Variants in CYP1B1 observed in about 807,000 individuals in gnomAD.
The protein encoded by CYP1B1 is cytochrome P450 1B1.
In CYP1B1, 22 loss-of-function variants were observed where a neutral mutation model predicts 29.9. The ratio of observed to expected loss-of-function variants is 0.74; its 90% CI spans 0.53 to 1.05. CYP1B1 has a LOEUF of 1.05. CYP1B1 is among the 50% of genes least tolerant of loss of function. The pLI, the probability that CYP1B1 is intolerant of heterozygous loss-of-function variation, is 0.00. For missense variants in CYP1B1, 883 were observed against 746.9 expected, an observed-to-expected ratio of 1.18 and a Z score of -2.12; for synonymous variants, 375 against 320.0, an observed-to-expected ratio of 1.17 and a Z score of -1.83.
chr2:38,074,067 AGGGGTCTTTGCAAAT>A (rs1682478869), intron 2 of CYP1B1: 1 of 548,188 alleles, frequency 1.8e-6, no homozygotes, highest in South Asian at 2.4e-5. Context: ...CGGGGGGTGG[AGGGGTCTTTGCAAAT>A]GTGTTCTCAC....
Position 38,070,520 on chromosome 2 carries a change from C to G in CYP1B1, c.*202G>C, listed in dbSNP as rs1682405826. On this transcript the variant is annotated 3_prime_UTR_variant, in exon 3 of 3. Coordinates refer to ENST00000610745, the MANE Select transcript of CYP1B1 (RefSeq NM_000104.4). Reference sequence around the variant, plus strand: ...CTTTAAGTCTTTGACTCAAAAAAATCTCCCAGAAGCTCCTGCATAGCCCAC... The same window carrying G: ...CTTTAAGTCTTTGACTCAAAAAAATGTCCCAGAAGCTCCTGCATAGCCCAC... 1 of 587,638 alleles carries G rather than the reference C, an allele frequency of 1.7e-6. No homozygotes were observed. Among genetic ancestry groups the G allele is most frequent in the African/African-American group, 1.9e-5 (1 of 53,564 alleles). 36.4% of individuals were successfully genotyped at this position (587,638 alleles called of 1,614,324 possible). A position where few individuals can be genotyped will look rare whatever the true frequency, so the allele number is the denominator to read the frequency against.
In CYP1B1 at chr2:38,068,827, G is replaced by A. The variant is rs886055990; in HGVS notation, c.*1895C>T. ...TAAATGTCCATGCTTTGAATTTTGT[G>A]CTCCAAATTAATTAATTCAGAATGA... On this transcript the variant is annotated 3_prime_UTR_variant, in exon 3 of 3. Transcript: ENST00000610745. 3 of 226,264 alleles carry A rather than the reference G, an allele frequency of 1.3e-5. No individual in the cohort carries two copies. The highest frequency in any genetic ancestry group is 2.6e-5 in the Non-Finnish European group (3 of 113,690). The allele number at this position is 226,264 out of a possible 1,614,324, so 14.0% of individuals were successfully genotyped here.
chr2:38,074,189 G>T, intron 2 of CYP1B1, 157 bp downstream of exon 2: 1 of 814,420 alleles, frequency 1.2e-6, no homozygotes, highest in Non-Finnish European at 2.0e-6. Flanking sequence ...AGCCCTCACT[G>T]TGAGTCCCTT....
chr2:38,074,162 G>C (rs1682480516), intron 2 of CYP1B1, 184 bp downstream of exon 2: 1 of 673,880 alleles, frequency 1.5e-6, no homozygotes, highest in African/African-American at 1.8e-5. Context: ...GCTGGGTGGG[G>C]CGCGTGCGCG....
chr2:38,075,289 G>A lies in CYP1B1; in HGVS notation c.100C>T (p.His34Tyr), dbSNP rs1573276361. The A allele has an allele frequency of 6.2e-7, 1 of 1,609,600 alleles. No homozygotes were observed. Among genetic ancestry groups the A allele is most frequent in the Non-Finnish European group, 8.5e-7 (1 of 1,179,072 alleles). The change falls in exon 2 of 3, where the codon CAT (histidine) becomes TAT (tyrosine). Residue 34 changes from histidine to tyrosine, a missense_variant. Transcript: ENST00000610745. ...LLLLSVLATV[H>Y]VGQRLLRQRR... ...TGCCTCAGCAGCCGCTGGCCCACAT[G>A]CACAGTGGCCAGCACCGACAGGAGT...
In CYP1B1 at chr2:38,074,533, C is replaced by G; in HGVS notation, c.856G>C (p.Gly286Arg). ...FLRHCESLRP[G>R]AAPRDMMDAF... ...TCCATCATGTCGCGGGGGGCGGCCC[C>G]GGGCCGAAGGCTTTCGCAGTGCCTC... Residue 286 changes from glycine (G) to arginine (R), a missense_variant, in exon 2 of 3, where the codon GGG becomes CGG. Gly to Arg is a moderately radical substitution (Grantham distance 125). Coordinates refer to ENST00000610745, the MANE Select transcript of CYP1B1 (RefSeq NM_000104.4). 6.2e-7 allele frequency: 1 copy of G among 1,607,546 alleles called. No individual in the cohort carries two copies. The highest frequency in any genetic ancestry group is 8.5e-7 in the Non-Finnish European group (1 of 1,177,276).
Position 38,075,209 on chromosome 2 carries a change from G to C in CYP1B1, c.180C>G (p.Ile60Met), listed in dbSNP as rs572392563. ...CCTGGCCCACCGCCGCCGCGTTTCC[G>C]ATCAGTGGCCACGCAAACGGGCCCG... ...APPGPFAWPL[I>M]GNAAAVGQAA... The change falls in exon 2 of 3, where the codon ATC (isoleucine) becomes ATG (methionine). Residue 60 changes from isoleucine to methionine, a missense_variant. By Grantham distance (10) the Ile-to-Met change is conservative. Coordinates refer to ENST00000610745, the MANE Select transcript of CYP1B1 (RefSeq NM_000104.4). The C allele has an allele frequency of 4.4e-6, 7 of 1,580,372 alleles. No individual in the cohort carries two copies. The highest frequency in any genetic ancestry group is 3.6e-5 in the Admixed American group (2 of 56,330).
At chr2:38,073,000 T>C (rs1682459418) in intron 2 of CYP1B1, among the ~76,000 whole-genome samples, 1 of 152,208 alleles carries the variant, frequency 6.6e-6, no homozygotes, top group South Asian at 2.1e-4. Flanking sequence ...GTGGTTCTAA[T>C]GAAAAACAAA....
Position 38,074,856 on chromosome 2 carries a change from A to C in CYP1B1, c.533T>G (p.Val178Gly). 6.4e-7 allele frequency: 1 copy of C among 1,557,402 alleles called. No homozygotes were observed. Among genetic ancestry groups the C allele is most frequent in the Non-Finnish European group, 8.7e-7 (1 of 1,152,384 alleles). The change falls in exon 2 of 3, where the codon GTG becomes GGG. Residue 178 changes from valine to glycine, a missense_variant. Physicochemically the swap from Val to Gly is moderately radical, Grantham distance 109. Transcript: ENST00000610745. ...CGCGCTGCCGCGCACCAGCAGCGCC[A>C]CCAGCTCGCGCGCCTCGCTCAGCAC... The part of the protein sequence containing the change: ...GHVLSEAREL[V>G]ALLVRGSADG...
In CYP1B1 at chr2:38,068,365, C is replaced by T. The variant is rs544807016; in HGVS notation, c.*2357G>A. 11 of 227,558 alleles carry T rather than the reference C, an allele frequency of 4.8e-5. No homozygotes were observed. In the South Asian group the frequency reaches 1.6e-3, roughly 34 times the overall value. The allele number at this position is 227,558 out of a possible 1,614,324, so 14.1% of individuals were successfully genotyped here. On this transcript the variant is annotated 3_prime_UTR_variant, in exon 3 of 3. Coordinates refer to ENST00000610745, the MANE Select transcript of CYP1B1 (RefSeq NM_000104.4). Reference sequence around the variant, plus strand: ...CTTTCTTCCATATAAACACAGCTTTCCTTTTGCCGCAAGCATCTGATGACG... The same window carrying T: ...CTTTCTTCCATATAAACACAGCTTTTCTTTTGCCGCAAGCATCTGATGACG...
chr2:38,071,091 A>C lies in CYP1B1; in HGVS notation c.1263T>G (p.Phe421Leu), dbSNP rs998489422. 1.9e-6 allele frequency: 3 copies of C among 1,612,354 alleles called. No homozygotes were observed. In the Admixed American group the frequency reaches 5.0e-5, roughly 27 times the overall value. ...GYHIPKDTVV[F>L]VNQWSVNHDP... is the part of the protein sequence containing the mutation. The stretch of plus-strand genomic sequence containing the variant: ...CATGATTCACAGACCACTGGTTGAC[A>C]AAAACCACAGTGTCCTTGGGAATGT... The change falls in exon 3 of 3, where the codon TTT becomes TTG. Residue 421 changes from phenylalanine (F) to leucine (L), a missense_variant. By Grantham distance (22) the Phe-to-Leu change is conservative. Transcript: ENST00000610745.
rs1188082508 is a variant in CYP1B1, at chr2:38,067,851, A to C, written c.*2871T>G. 5.3e-6 allele frequency: 1 copy of C among 186,972 alleles called. No individual in the cohort carries two copies. The highest frequency in any genetic ancestry group is 2.0e-4 in the South Asian group (1 of 5,120). The allele number at this position is 186,972 out of a possible 1,614,324, so 11.6% of individuals were successfully genotyped here. A position where few individuals can be genotyped will look rare whatever the true frequency, so the allele number is the denominator to read the frequency against. On this transcript the variant is annotated 3_prime_UTR_variant, in exon 3 of 3. Transcript: ENST00000610745. ...TCCTTGAGTTATAAATGTCTACTAA[A>C]GTATACCTTTTAATCACACAGTTGT...
In CYP1B1 at chr2:38,075,095, A is replaced by T; in HGVS notation, c.294T>A (p.Asn98Lys). The change falls in exon 2 of 3, where the codon AAT (asparagine) becomes AAA (lysine). Residue 98 changes from asparagine to lysine, a missense_variant. Physicochemically the swap from Asn to Lys is moderately conservative, Grantham distance 94. Transcript: ENST00000610745. ...RLGSCPIVVL[N>K]GERAIHQALV... is the part of the protein sequence containing the mutation. The stretch of plus-strand genomic sequence containing the variant: ...GGGCCTGGTGGATGGCGCGCTCGCC[A>T]TTCAGCACCACTATGGGGCAGCTGC... 6.3e-7 allele frequency: 1 copy of T among 1,580,980 alleles called. No homozygotes were observed. Among genetic ancestry groups the T allele is most frequent in the Non-Finnish European group, 8.5e-7 (1 of 1,171,308 alleles).
intron 1 of CYP1B1, 174 bp from the exon 2 acceptor site, chr2:38,075,563 G>A (rs568709491): frequency 1.5e-6 from 1 of 663,596 alleles, no homozygotes; most frequent in African/African-American, 1.8e-5. Flanking sequence ...ACTCTCCCTT[G>A]GAGAAGAGAA....
rs746056997 is a variant in CYP1B1 at position 38,075,394 on chromosome 2, G to A, written c.-1-5C>T. 3.1e-6 allele frequency: 5 copies of A among 1,611,642 alleles called. 1 individual carries two copies. Among genetic ancestry groups the A allele is most frequent in the Middle Eastern group, 3.9e-4 (2 of 5,148 alleles). On this transcript the variant is annotated splice_region_variant and splice_polypyrimidine_tract_variant and intron_variant, in intron 1 of 2. Coordinates refer to ENST00000610745, the MANE Select transcript of CYP1B1 (RefSeq NM_000104.4). ...GGGCTGAGGCTGGTGCCCATGCTGG[G>A]GACAGAGAGGAGAAGGCGTGACACT...
In CYP1B1 at chr2:38,074,681, G is replaced by A. The variant is rs373819808; in HGVS notation, c.708C>T (p.Gly236=). Residue 236 remains glycine (G), a synonymous_variant, in exon 2 of 3, where the codon GGC becomes GGT. Coordinates refer to ENST00000610745, the MANE Select transcript of CYP1B1 (RefSeq NM_000104.4). ...GCATCACGTCCACCAGGCTGCCCGC[G>A]CCCACCGTGCGCCCGAACTCTTCGT... is the stretch of plus-strand genomic sequence containing the variant. The part of the protein sequence containing the change: ...SHNEEFGRTV[G]AGSLVDVMPW... 29 of 1,612,738 alleles carry A rather than the reference G, an allele frequency of 1.8e-5. No individual in the cohort carries two copies. The highest frequency in any genetic ancestry group is 3.3e-5 in the Admixed American group (2 of 59,982).
In CYP1B1 at chr2:38,075,006, C is replaced by T. The variant is rs1243861259; in HGVS notation, c.383G>A (p.Gly128Asp). 5 of 1,590,414 alleles carry T rather than the reference C, an allele frequency of 3.1e-6. No individual in the cohort carries two copies. The highest frequency in any genetic ancestry group is 4.3e-6 in the Non-Finnish European group (5 of 1,176,436). The part of the protein sequence containing the change: ...PAFASFRVVS[G>D]GRSMAFGHYS... ...GTGGCCGAAAGCCATGCTGCGGCCG[C>T]CGGACACCACACGGAAGGAGGCGAA... Residue 128 changes from glycine (G) to aspartate (D), a missense_variant, in exon 2 of 3, where the codon GGC becomes GAC. Coordinates refer to ENST00000610745, the MANE Select transcript of CYP1B1 (RefSeq NM_000104.4).
intron 2 of CYP1B1, 23 bp downstream of exon 2, chr2:38,074,323 C>T (rs777516833): frequency 6.2e-7 from 1 of 1,611,118 alleles, no homozygotes. Context: ...AAAGACCTGG[C>T]CCACGCCTCC....
In CYP1B1 at chr2:38,075,033, G is replaced by T; in HGVS notation, c.356C>A (p.Ala119Asp). ...QQGSAFADRP[A>D]FASFRVVSGG... Reference sequence around the variant, plus strand: ...GGACACCACACGGAAGGAGGCGAAGGCCGGCCGGTCGGCGAAGGCCGAGCC... The same window carrying T: ...GGACACCACACGGAAGGAGGCGAAGTCCGGCCGGTCGGCGAAGGCCGAGCC... The change falls in exon 2 of 3, where the codon GCC (alanine) becomes GAC (aspartate). Residue 119 changes from alanine to aspartate, a missense_variant. By Grantham distance (126) the Ala-to-Asp change is moderately radical. Transcript: ENST00000610745. 1 of 1,590,066 alleles carries T rather than the reference G, an allele frequency of 6.3e-7. No homozygotes were observed. The highest frequency in any genetic ancestry group is 8.5e-7 in the Non-Finnish European group (1 of 1,176,184).
Sources: gnomAD v4.1 joint callset for allele counts (sites outside exome capture counted in the v4.1 genomes callset) on GRCh38, gnomAD v4.1.1 for gene constraint, MANE v1.5 for transcripts, NCBI Gene and HGNC (gene_info 2026-07-23, HGNC 2026-07-21) for gene names.